Variants in TOR1AIP1 observed in about 807,000 individuals in gnomAD.
The protein encoded by TOR1AIP1 is torsin-1A-interacting protein 1.
Under a neutral mutation model 63.3 loss-of-function variants are expected in TOR1AIP1, and 54 were observed. The ratio of observed to expected loss-of-function variants is 0.85; its 90% CI spans 0.69 to 1.07. The LOEUF (loss-of-function observed/expected upper bound fraction) is 1.07. Among genes scored for constraint, TOR1AIP1 ranks in the 50% least tolerant of loss-of-function variants. The pLI is 0.00. For missense variants in TOR1AIP1, 736 were observed against 715.0 expected, an observed-to-expected ratio of 1.03 and a Z score of -0.33; for synonymous variants, 294 against 273.5, an observed-to-expected ratio of 1.07 and a Z score of -0.74.
chr1:179,882,335 T>G lies in TOR1AIP1; in HGVS notation c.-168T>G. 1 of 597,634 alleles carries G rather than the reference T, an allele frequency of 1.7e-6. No homozygotes were observed. Among genetic ancestry groups the G allele is most frequent in the Non-Finnish European group, 2.6e-6 (1 of 379,714 alleles). The allele number at this position is 597,634 out of a possible 1,614,324, so 37.0% of individuals were successfully genotyped here. A position where few individuals can be genotyped will look rare whatever the true frequency, so the allele number is the denominator to read the frequency against. ...CACACCATGGGCCCAGAGGCAGGTT[T>G]GCTACACAGCAGCGACGACGCAGGC... is the stretch of plus-strand genomic sequence containing the variant. On this transcript the variant is annotated 5_prime_UTR_variant, in exon 1 of 10. Transcript: ENST00000606911.
intron 3 of TOR1AIP1, among the ~76,000 whole-genome samples, chr1:179,892,223 G>A (rs1391120872): frequency 2.0e-5 from 3 of 152,248 alleles, no homozygotes; most frequent in African/African-American, 7.2e-5. Context: ...TATAATCCCA[G>A]CACTTTGGGA....
At position 179,882,842 on chromosome 1, in the gene TOR1AIP1, C is replaced by CCGCG. The variant is rs1558037092; in HGVS notation, c.341_344dup (p.Pro116AlafsTer44). The CCGCG allele has an allele frequency of 1.2e-6, 2 of 1,614,190 alleles. No individual in the cohort carries two copies. Among genetic ancestry groups the CCGCG allele is most frequent in the Non-Finnish European group, 1.7e-6 (2 of 1,180,026 alleles). ...CCTTCGGTCTAGGCAGCGGAGGCAGCCGCGACCCCAGGAAACCGAGGAAAT... is the reference window on the plus strand; with the variant it reads ...CCTTCGGTCTAGGCAGCGGAGGCAGCCGCGCGCGACCCCAGGAAACCGAGGAAAT... On this transcript the variant is annotated frameshift_variant, in exon 1 of 10. Coordinates refer to ENST00000606911, the MANE Select transcript of TOR1AIP1 (RefSeq NM_015602.4). LOFTEE classifies it high-confidence loss of function.
At chr1:179,910,266 A>C (rs1648791843) in intron 8 of TOR1AIP1, among the ~76,000 whole-genome samples, 2 of 152,082 alleles carry the variant, frequency 1.3e-5, no homozygotes. Flanking sequence ...TACTCATCTA[A>C]CCACAATAGG....
chr1:179,898,245 C>T (rs984148998), intron 3 of TOR1AIP1, among the ~76,000 whole-genome samples: 1 of 152,134 alleles, frequency 6.6e-6, no homozygotes, highest in Non-Finnish European at 1.5e-5. Context: ...TACCCTTAGA[C>T]AAGTCACTTG....
At position 179,882,808 on chromosome 1, in the gene TOR1AIP1, C is replaced by T. The variant is rs755314325; in HGVS notation, c.306C>T (p.Ser102=). The T allele has an allele frequency of 1.2e-6, 2 of 1,614,076 alleles. No individual in the cohort carries two copies. The highest frequency in any genetic ancestry group is 2.7e-5 in the African/African-American group (2 of 74,930). The stretch of plus-strand genomic sequence containing the variant: ...CTGCGAAAGAGGAAGTGAGAGAAAG[C>T]GCGTACTACCTTCGGTCTAGGCAGC... ...SDSAKEEVRE[S]AYYLRSRQRR... The change falls in exon 1 of 10, where the codon AGC becomes AGT. Residue 102 remains serine, a synonymous_variant. Transcript: ENST00000606911.
At chr1:179,914,792 C>CAA (rs568810002) in intron 9 of TOR1AIP1, among the ~76,000 whole-genome samples, 3 of 72,442 alleles carry the variant, frequency 4.1e-5, no homozygotes, top group East Asian at 4.3e-4. Flanking sequence ...GACTCTGTCT[C>CAA]AAAAAAAAAA....
At chr1:179,914,105 C>T (rs1218110743) in intron 9 of TOR1AIP1, 51 bp downstream of exon 9, 1 of 1,519,124 alleles carries the variant, frequency 6.6e-7, no homozygotes. Flanking sequence ...AATTGGTATT[C>T]CATAATTGTT....
At chr1:179,901,453 C>T (rs1163556039) in intron 5 of TOR1AIP1, 65 bp downstream of exon 5, 2 of 1,059,006 alleles carry the variant, frequency 1.9e-6, no homozygotes, top group Admixed American at 2.9e-5. Flanking sequence ...CATGAATTTG[C>T]TTTTTAAAAA....
chr1:179,893,133 T>G (rs1346020940), intron 3 of TOR1AIP1, among the ~76,000 whole-genome samples: 1 of 151,866 alleles, frequency 6.6e-6, no homozygotes, highest in African/African-American at 2.4e-5. Context: ...TCCCAGCTAC[T>G]TGGGAGGCTG....
At chr1:179,884,846 A>G in intron 2 of TOR1AIP1, 77 bp downstream of exon 2, 3 of 1,177,866 alleles carry the variant, frequency 2.5e-6, no homozygotes, top group South Asian at 1.5e-5. Context: ...CAATGTAAGT[A>G]TGTGTAAAGA....
chr1:179,882,858 C>G lies in TOR1AIP1; in HGVS notation c.356C>G (p.Thr119Ser), dbSNP rs2297425. ...RQRRQPRPQE[T>S]EEMKTRRTTR... ...CGGAGGCAGCCGCGACCCCAGGAAA[C>G]CGAGGAAATGAAGACGCGAAGGACT... Residue 119 changes from threonine to serine, a missense_variant, in exon 1 of 10, where the codon ACC becomes AGC. Thr to Ser is a moderately conservative substitution (Grantham distance 58). Coordinates refer to ENST00000606911, the MANE Select transcript of TOR1AIP1 (RefSeq NM_015602.4). The G allele has an allele frequency of 6.2e-7, 1 of 1,614,102 alleles. No individual in the cohort carries two copies. Among genetic ancestry groups the G allele is most frequent in the Admixed American group, 1.7e-5 (1 of 60,012 alleles).
intron 6 of TOR1AIP1, 51 bp downstream of exon 6, chr1:179,904,073 G>T: frequency 7.3e-7 from 1 of 1,367,472 alleles, no homozygotes; most frequent in Non-Finnish European, 1.0e-6. Context: ...GTCAAATGAT[G>T]TTCCTATTTT....
intron 2 of TOR1AIP1, among the ~76,000 whole-genome samples, chr1:179,887,628 T>G (rs942140905): frequency 6.6e-6 from 1 of 152,202 alleles, no homozygotes; most frequent in Admixed American, 6.5e-5. Flanking sequence ...TACATAACAG[T>G]TATTCTCCTA....
At chr1:179,895,000 TA>T (rs1648219152) in intron 3 of TOR1AIP1, among the ~76,000 whole-genome samples, 1 of 152,136 alleles carries the variant, frequency 6.6e-6, no homozygotes, top group Non-Finnish European at 1.5e-5. Context: ...ACTGGCCAAG[TA>T]AAAGAAAGTA....
At chr1:179,885,952 G>C (rs758659051) in intron 2 of TOR1AIP1, among the ~76,000 whole-genome samples, 1 of 152,116 alleles carries the variant, frequency 6.6e-6, no homozygotes, top group Non-Finnish European at 1.5e-5. Context: ...TGTTGGCCAA[G>C]CTGGTCTCGA....
At chr1:179,900,365 C>T (rs1158330365) in intron 4 of TOR1AIP1, 198 bp downstream of exon 4, 8 of 368,304 alleles carry the variant, frequency 2.2e-5, no homozygotes, top group African/African-American at 4.2e-5. Context: ...TGCACTATGC[C>T]GATCAGGTGT....
intron 3 of TOR1AIP1, among the ~76,000 whole-genome samples, chr1:179,894,075 C>A (rs1225047098): frequency 6.6e-6 from 1 of 150,688 alleles, no homozygotes; most frequent in African/African-American, 2.4e-5. Flanking sequence ...CATGGTGAAA[C>A]CCCATCTCTA....
At chr1:179,904,699 A>T (rs1448358460) in intron 6 of TOR1AIP1, 2 of 152,078 alleles carry the variant, frequency 1.3e-5, no homozygotes, top group Non-Finnish European at 2.9e-5. Context: ...GTCATGGTTC[A>T]CTGTAGCCTC....
chr1:179,885,089 G>A (rs1571721066), intron 2 of TOR1AIP1, among the ~76,000 whole-genome samples: 1 of 152,088 alleles, frequency 6.6e-6, no homozygotes, highest in Non-Finnish European at 1.5e-5. Context: ...GTCATAACTA[G>A]CTACTCAGTA....
Sources: allele counts gnomAD v4.1 joint callset (sites outside exome capture counted in the v4.1 genomes callset), GRCh38; gene constraint gnomAD v4.1.1; transcripts MANE v1.5; gene names NCBI Gene and HGNC (gene_info 2026-07-23, HGNC 2026-07-21).